The following PHACTR1 variants were observed in gnomAD, a reference collection of about 807,000 sequenced individuals.
PHACTR1 encodes phosphatase and actin regulator 1, also known as RPEL repeat containing 1.
Under a neutral mutation model 69.2 loss-of-function variants are expected in PHACTR1, and 16 were observed. That is an observed-to-expected ratio of 0.23 (90% CI 0.16 to 0.35). PHACTR1 has a LOEUF of 0.35. Among genes scored for constraint, PHACTR1 ranks in the 10% least tolerant of loss-of-function variants. The pLI, the probability that PHACTR1 is intolerant of heterozygous loss-of-function variation, is 1.00. For missense variants in PHACTR1, 510 were observed against 734.7 expected (o/e 0.69, Z 3.54); for synonymous variants, 312 against 284.5 (o/e 1.10, Z -0.97).
Position 13,182,543 on chromosome 6 carries a change from A to C in PHACTR1, c.521A>C (p.Glu174Ala), listed in dbSNP as rs991796097. The change falls in exon 7 of 15, where the codon GAA becomes GCA. Residue 174 changes from glutamate (E) to alanine (A), a missense_variant. Physicochemically the swap from Glu to Ala is moderately radical, Grantham distance 107. Around this residue, in one of 2 missense-constraint regions of PHACTR1, gnomAD observed 419 missense variants for 530.9 expected, o/e 0.79. Coordinates refer to ENST00000332995, the MANE Select transcript of PHACTR1 (RefSeq NM_030948.6). ...GATGGGGAACTCTCTATATCCAATG[A>C]AGAGGACTCCCTAGAAAATGGGCAG... is the stretch of plus-strand genomic sequence containing the variant. ...DKDGELSISN[E>A]EDSLENGQSL... 6.2e-7 allele frequency: 1 copy of C among 1,613,936 alleles called. No homozygotes were observed.
chr6:12,827,765 GCATAC>G (rs1776962926), intron 4 of PHACTR1, among the ~76,000 whole-genome samples: 1 of 152,154 alleles, frequency 6.6e-6, no homozygotes, highest in Non-Finnish European at 1.5e-5. Context: ...CCCTTGGCAA[GCATAC>G]TAATGATATA....
chr6:13,221,210 A>G (rs1195820922), intron 8 of PHACTR1, among the ~76,000 whole-genome samples: 2 of 152,152 alleles, frequency 1.3e-5, no homozygotes, highest in Non-Finnish European at 2.9e-5. Context: ...TACTTGGGCA[A>G]TGGCAAGTGG....
intron 4 of PHACTR1, among the ~76,000 whole-genome samples, chr6:12,888,072 C>CA (rs33925347): frequency 0.06 from 4,287 of 71,916 alleles, 600 homozygotes; most frequent in African/African-American, 0.21. Flanking sequence ...GACTCCATCT[C>CA]AAAAAAAAAA....
rs76198186 is a variant in PHACTR1 at position 13,075,233 on chromosome 6, A to G, written c.415+21704A>G. ...TCCTATTATCACAAACCCATATGAGATAAGAACTATTCATATAGTCTCATT... is the reference window on the plus strand; with the variant it reads ...TCCTATTATCACAAACCCATATGAGGTAAGAACTATTCATATAGTCTCATT... On this transcript the variant is annotated intron_variant, in intron 5 of 14. Coordinates refer to ENST00000332995, the MANE Select transcript of PHACTR1 (RefSeq NM_030948.6). 4.1e-3 allele frequency among the ~76,000 whole-genome samples: 624 copies of G among 152,294 alleles called. 3 individuals are homozygous for G. The highest frequency in any genetic ancestry group is 0.014 in the African/African-American group (596 of 41,556).
In PHACTR1 at chr6:13,246,796, G is replaced by A. The variant is rs6908840; in HGVS notation, c.1391+16603G>A. Among the ~76,000 whole-genome samples, 11,118 of 152,184 alleles carry A rather than the reference G, an allele frequency of 0.073. 1,232 individuals are homozygous for A. The highest frequency in any genetic ancestry group is 0.24 in the African/African-American group (10,137 of 41,484). On this transcript the variant is annotated intron_variant, in intron 10 of 14. Transcript: ENST00000332995. The surrounding 1 kb of genome is among the most constrained non-coding windows in gnomAD (Gnocchi z 4.2). Reference sequence around the variant, plus strand: ...AATTTGCAGTACAGTTGTTCTTCACGTGTCCCCATGTATCTTTGTTTACTG... The same window carrying A: ...AATTTGCAGTACAGTTGTTCTTCACATGTCCCCATGTATCTTTGTTTACTG...
intron 5 of PHACTR1, among the ~76,000 whole-genome samples, chr6:13,133,608 C>T (rs1481835581): frequency 6.6e-6 from 1 of 152,118 alleles, no homozygotes; most frequent in African/African-American, 2.4e-5. Context: ...TCAATGTTGC[C>T]CAGGCTGGAG....
chr6:13,120,181 A>G (rs1332851341), intron 5 of PHACTR1, among the ~76,000 whole-genome samples: 1 of 152,146 alleles, frequency 6.6e-6, no homozygotes, highest in Non-Finnish European at 1.5e-5. Context: ...CTCCTGGTCT[A>G]CAATCTAGCT....
intron 4 of PHACTR1, among the ~76,000 whole-genome samples, chr6:12,930,068 G>A (rs1788703627): frequency 6.7e-6 from 1 of 150,268 alleles, no homozygotes; most frequent in African/African-American, 2.4e-5. Context: ...TTTAGATGGG[G>A]ATCTTGCTCT....
intron 4 of PHACTR1, among the ~76,000 whole-genome samples, chr6:12,811,626 A>T (rs1445865634): frequency 6.6e-6 from 1 of 152,184 alleles, no homozygotes; most frequent in Non-Finnish European, 1.5e-5. Flanking sequence ...ATCTTGACCA[A>T]ATCTTCTCCA....
chr6:13,156,847 T>C (rs1228887791), intron 5 of PHACTR1, among the ~76,000 whole-genome samples: 1 of 152,208 alleles, frequency 6.6e-6, no homozygotes, highest in Non-Finnish European at 1.5e-5. Context: ...CTTTAACATC[T>C]AGTTGTGTCT....
At chr6:12,774,544 A>C (rs1232363054) in intron 4 of PHACTR1, among the ~76,000 whole-genome samples, 1 of 152,012 alleles carries the variant, frequency 6.6e-6, no homozygotes, top group Non-Finnish European at 1.5e-5. Context: ...GGTGCCCACC[A>C]CCACACCTGG....
chr6:12,848,919 CTT>C (rs72267070), intron 4 of PHACTR1, among the ~76,000 whole-genome samples: 6 of 146,116 alleles, frequency 4.1e-5, no homozygotes, highest in Non-Finnish European at 7.6e-5. Context: ...GGAAATCAGA[CTT>C]TTTTTTTTTT....
At chr6:13,118,555 T>C (rs1233731705) in intron 5 of PHACTR1, among the ~76,000 whole-genome samples, 1 of 145,222 alleles carries the variant, frequency 6.9e-6, no homozygotes, top group Non-Finnish European at 1.5e-5. Flanking sequence ...CTCGGCTCAC[T>C]GCAACCTCCA....
intron 5 of PHACTR1, among the ~76,000 whole-genome samples, chr6:13,094,484 G>C (rs538295519): frequency 2.8e-5 from 4 of 143,466 alleles, no homozygotes; most frequent in African/African-American, 5.9e-5. Flanking sequence ...TAGTAGAGAG[G>C]GGGGGTTTCA....
At chr6:12,887,009 C>T (rs141289595) in intron 4 of PHACTR1, among the ~76,000 whole-genome samples, 11 of 152,212 alleles carry the variant, frequency 7.2e-5, no homozygotes, top group African/African-American at 2.6e-4. Context: ...AATGGCTCCT[C>T]CTCCCCCTCT....
At chr6:12,764,465 C>T (rs1768378665) in intron 4 of PHACTR1, among the ~76,000 whole-genome samples, 1 of 152,050 alleles carries the variant, frequency 6.6e-6, no homozygotes, top group African/African-American at 2.4e-5. Context: ...TTCTTGGTGA[C>T]TTAAGAGAAA....
At chr6:12,837,149 T>A (rs1243064106) in intron 4 of PHACTR1, among the ~76,000 whole-genome samples, 1 of 152,142 alleles carries the variant, frequency 6.6e-6, no homozygotes, top group Non-Finnish European at 1.5e-5. Flanking sequence ...CAAAAACCTG[T>A]TGGTCCTATA....
intron 4 of PHACTR1, among the ~76,000 whole-genome samples, chr6:12,876,501 C>T (rs1582231916): frequency 6.6e-6 from 1 of 152,164 alleles, no homozygotes; most frequent in African/African-American, 2.4e-5. Context: ...ATCTTCTAAA[C>T]TTCAGCTTAC....
rs11964622 is a variant in PHACTR1, at chr6:12,822,149, T to A, written c.250+72359T>A. Among the ~76,000 whole-genome samples, 1,066 of 152,292 alleles carry A rather than the reference T, an allele frequency of 7.0e-3. 17 individuals carry two copies. The highest frequency in any genetic ancestry group is 0.024 in the African/African-American group (1,015 of 41,564). ...GAAATATAAGGGACAAGAACCTGGC[T>A]GTGGCAGCATGACAGAGGTTTTGGA... On this transcript the variant is annotated intron_variant, in intron 4 of 14. Coordinates refer to ENST00000332995, the MANE Select transcript of PHACTR1 (RefSeq NM_030948.6).
Sources: gnomAD v4.1 joint callset for allele counts (sites outside exome capture counted in the v4.1 genomes callset) on GRCh38, gnomAD v4.1.1 for gene constraint, gnomAD v4.1.1 regional missense constraint, Gnocchi (gnomAD v3.1) non-coding constraint, MANE v1.5 for transcripts, NCBI Gene and HGNC (gene_info 2026-07-23, HGNC 2026-07-21) for gene names.